Variants in ANO2 observed in about 807,000 individuals in gnomAD.
ANO2 encodes anoctamin-2.
In ANO2, 101 loss-of-function variants were observed where a neutral mutation model predicts 124.2. The observed-to-expected ratio is 0.81, with a 90% confidence interval of 0.69 to 0.96. The LOEUF (loss-of-function observed/expected upper bound fraction) is 0.96, where lower values mean the gene tolerates loss of function less well. ANO2 is among the 40% of genes least tolerant of loss of function. The pLI is 0.00. For missense variants in ANO2, 1,293 were observed against 1,274.5 expected (o/e 1.01, Z -0.22); for synonymous variants, 486 against 482.5 (o/e 1.01, Z -0.09).
intron 7 of ANO2, among the ~76,000 whole-genome samples, chr12:5,812,409 AG>A (rs1953428846): frequency 7.7e-6 from 1 of 129,308 alleles, no homozygotes; most frequent in Non-Finnish European, 1.6e-5. Flanking sequence ...GGAAGGAGGG[AG>A]GGAGGGCAGG....
At chr12:5,611,815 T>C (rs1944560773) in intron 19 of ANO2, among the ~76,000 whole-genome samples, 1 of 152,192 alleles carries the variant, frequency 6.6e-6, no homozygotes, top group South Asian at 2.1e-4. Flanking sequence ...CATCCCAGAA[T>C]GGTCATCTTT....
At position 5,908,535 on chromosome 12, in the gene ANO2, C is replaced by T. The variant is rs1940845414; in HGVS notation, c.534+12505G>A. On this transcript the variant is annotated intron_variant, in intron 3 of 24. Transcript: ENST00000682330. The surrounding 1 kb of genome is among the most constrained non-coding windows in gnomAD (Gnocchi z 4.7). ...GGAGTGGTTTGCAGTAGCCGAGACT[C>T]CCAACCCAGTGATGCTCAAGGAATG... is the stretch of plus-strand genomic sequence containing the variant. Among the ~76,000 whole-genome samples the T allele has an allele frequency of 1.3e-5, 2 of 152,200 alleles. No individual in the cohort carries two copies. Among genetic ancestry groups the T allele is most frequent in the African/African-American group, 2.4e-5 (1 of 41,456 alleles).
chr12:5,566,325 A>G (rs773285752), intron 23 of ANO2, among the ~76,000 whole-genome samples: 22 of 152,170 alleles, frequency 1.4e-4, no homozygotes, highest in Non-Finnish European at 2.9e-4. Context: ...AAACTACAAA[A>G]TGTTAATGCC....
rs757477074 is a variant in ANO2, at chr12:5,739,393, A to G, written c.1358T>C (p.Met453Thr). ...FSIFMALWAT[M>T]FLENWKRLQM... ...TAGCCTCTTCCAGTTTTCCAGGAACATGGTAGCTTAAAAAGAACAACAAGA... is the reference window on the plus strand; with the variant it reads ...TAGCCTCTTCCAGTTTTCCAGGAACGTGGTAGCTTAAAAAGAACAACAAGA... The change falls in exon 13 of 25, where the codon ATG (methionine) becomes ACG (threonine). Residue 453 changes from methionine (M) to threonine (T), a missense_variant. Met to Thr is a moderately conservative substitution (Grantham distance 81). Transcript: ENST00000682330. The G allele has an allele frequency of 1.9e-6, 3 of 1,599,588 alleles. No homozygotes were observed. Among genetic ancestry groups the G allele is most frequent in the Admixed American group, 1.7e-5 (1 of 57,898 alleles).
At chr12:5,590,127 C>A (rs1361154762) in intron 20 of ANO2, among the ~76,000 whole-genome samples, 7 of 152,182 alleles carry the variant, frequency 4.6e-5, no homozygotes, top group Non-Finnish European at 8.8e-5. Flanking sequence ...GCTTGTCCAA[C>A]CCCTGGCCCA....
Position 5,635,155 on chromosome 12 carries a change from T to C in ANO2, c.1813A>G (p.Ile605Val). ...AGAAGTCTCGGTGACACAGTACCAA[T>C]TTTGGTGAGCCACTTGGCCACAGCG... ...YGAVAKWLTK[I>V]EVPKTEQTFE... The change falls in exon 16 of 25, where the codon ATT (isoleucine) becomes GTT (valine). Residue 605 changes from isoleucine (I) to valine (V), a missense_variant. Transcript: ENST00000682330. This position sits in a 1 kb window ranked among gnomAD's most constrained non-coding sequence, Gnocchi z 5.2. 1 of 1,576,836 alleles carries C rather than the reference T, an allele frequency of 6.3e-7. No individual in the cohort carries two copies. Among genetic ancestry groups the C allele is most frequent in the East Asian group, 2.2e-5 (1 of 44,552 alleles).
intron 14 of ANO2, among the ~76,000 whole-genome samples, chr12:5,699,217 C>A (rs4429145): frequency 1 from 152,199 of 152,328 alleles, 76,035 homozygotes; most frequent in Middle Eastern, 1. Context: ...CCACAAAGGG[C>A]AGCCCATCAG....
chr12:5,689,550 C>T (rs879582065), intron 14 of ANO2, among the ~76,000 whole-genome samples: 41 of 152,100 alleles, frequency 2.7e-4, no homozygotes, highest in Non-Finnish European at 4.4e-5. Flanking sequence ...ACCTGGTGAA[C>T]GAGATCCTGC....
At position 5,626,319 on chromosome 12, in the gene ANO2, A is replaced by G. The variant is rs960206944; in HGVS notation, c.1816+8833T>C. The stretch of plus-strand genomic sequence containing the variant: ...CAGGGTGTCGGATGGCATCCTGGAG[A>G]TGCGGGTGGAGGTAACATATGTGTC... On this transcript the variant is annotated intron_variant, in intron 16 of 24. Coordinates refer to ENST00000682330, the MANE Select transcript of ANO2 (RefSeq NM_001364791.2). Among the ~76,000 whole-genome samples, 5 of 151,970 alleles carry G rather than the reference A, an allele frequency of 3.3e-5. No individual in the cohort carries two copies. In the South Asian group the frequency reaches 6.2e-4, roughly 19 times the overall value.
In ANO2 at chr12:5,806,068, T is replaced by TC; in HGVS notation, c.973dup (p.Asp325GlyfsTer4). On this transcript the variant is annotated frameshift_variant, in exon 9 of 25. Coordinates refer to ENST00000682330, the MANE Select transcript of ANO2 (RefSeq NM_001364791.2). LOFTEE classifies it high-confidence loss of function. ...CAGGCTTACCTTCCTGTCATTCATA[T>TC]CGTCCTCTGGACTATCGTATTCACC... The TC allele has an allele frequency of 6.2e-7, 1 of 1,613,882 alleles. No homozygotes were observed. The highest frequency in any genetic ancestry group is 8.5e-7 in the Non-Finnish European group (1 of 1,179,854).
chr12:5,649,976 C>A (rs1340542139), intron 14 of ANO2, among the ~76,000 whole-genome samples: 2 of 152,162 alleles, frequency 1.3e-5, no homozygotes, highest in Non-Finnish European at 2.9e-5. Flanking sequence ...AAAGATTTTT[C>A]TTTAAGCTGT....
At chr12:5,784,004 G>C (rs1952473981) in intron 10 of ANO2, among the ~76,000 whole-genome samples, 1 of 152,160 alleles carries the variant, frequency 6.6e-6, no homozygotes, top group Admixed American at 6.5e-5. Flanking sequence ...TAGCTGAGTA[G>C]CCACAATCTC....
chr12:5,934,630 C>T (rs1942572321), intron 1 of ANO2, among the ~76,000 whole-genome samples: 1 of 152,122 alleles, frequency 6.6e-6, no homozygotes, highest in South Asian at 2.1e-4. Flanking sequence ...GGTATAAATG[C>T]CCCTCCTTAC....
chr12:5,778,974 A>G lies in ANO2; in HGVS notation c.1055+20533T>C, dbSNP rs137917960. ...CAAGTTCCCAGTTCTGCATTATTCA[A>G]GAAACAATGGGAGTCACTCCTTCCT... On this transcript the variant is annotated intron_variant, in intron 10 of 24. Transcript: ENST00000682330. Among the ~76,000 whole-genome samples, 19 of 152,354 alleles carry G rather than the reference A, an allele frequency of 1.2e-4. No homozygotes were observed. The East Asian group carries it at 1.9e-3, about 15-fold the overall frequency.
chr12:5,777,330 G>A (rs1170214341), intron 10 of ANO2, among the ~76,000 whole-genome samples: 2 of 152,164 alleles, frequency 1.3e-5, no homozygotes, highest in Admixed American at 1.3e-4. Context: ...GAGAAGTAAA[G>A]ATTCAAGCAT....
chr12:5,765,119 AAAGT>A (rs1453197639), intron 10 of ANO2, among the ~76,000 whole-genome samples: 7 of 152,236 alleles, frequency 4.6e-5, no homozygotes, highest in Non-Finnish European at 7.3e-5. Flanking sequence ...AGAATGCATT[AAAGT>A]AAGAATGCAA....
intron 20 of ANO2, 26 bp downstream of exon 20, chr12:5,599,458 T>C: frequency 6.3e-7 from 1 of 1,580,662 alleles, no homozygotes; most frequent in Non-Finnish European, 8.6e-7. Context: ...CTGCCCCCAG[T>C]GGAAGGCAGG....
At chr12:5,740,175 G>A (rs1022089186) in intron 12 of ANO2, 1 of 341,222 alleles carries the variant, frequency 2.9e-6, no homozygotes, top group Admixed American at 4.2e-5. Flanking sequence ...AACATCTGAT[G>A]CAGGGCCTGC....
At chr12:5,627,131 C>T (rs2136926117) in intron 16 of ANO2, among the ~76,000 whole-genome samples, 1 of 152,288 alleles carries the variant, frequency 6.6e-6, no homozygotes, top group Non-Finnish European at 1.5e-5. Flanking sequence ...CATACTTGGC[C>T]TATAACCGTA....
Sources: gnomAD v4.1 joint callset for allele counts (sites outside exome capture counted in the v4.1 genomes callset) on GRCh38, gnomAD v4.1.1 for gene constraint, Gnocchi (gnomAD v3.1) non-coding constraint, MANE v1.5 for transcripts, NCBI Gene and HGNC (gene_info 2026-07-23, HGNC 2026-07-21) for gene names.